Variants in TEAD1 observed in about 807,000 individuals in gnomAD.
TEAD1 encodes the protein TEA domain transcription factor 1.
A neutral mutation model predicts 54.9 loss-of-function variants in TEAD1; 9 were observed. The ratio of observed to expected loss-of-function variants is 0.16; its 90% CI spans 0.10 to 0.29. The LOEUF is 0.29. Ranked by LOEUF, TEAD1 falls within the 10% of genes least tolerant of loss-of-function variation. The pLI is 1.00. For missense variants in TEAD1, 387 were observed against 535.9 expected, an observed-to-expected ratio of 0.72 and a Z score of 2.74; for synonymous variants, 200 against 187.8, an observed-to-expected ratio of 1.07 and a Z score of -0.53.
chr11:12,883,993 CA>C (rs11316523), intron 9 of TEAD1, among the ~76,000 whole-genome samples: 51,630 of 127,972 alleles, frequency 0.4, 10,175 homozygotes, highest in East Asian at 0.89. Flanking sequence ...GACTCCGTCT[CA>C]AAAAAAAAAA....
chr11:12,865,652 T>C (rs1355901231), intron 5 of TEAD1: 1 of 152,198 alleles, frequency 6.6e-6, no homozygotes, highest in Admixed American at 6.5e-5. Flanking sequence ...TCTCAAAATA[T>C]ATTTTATAGG....
At chr11:12,831,844 T>C (rs1340270422) in intron 3 of TEAD1, among the ~76,000 whole-genome samples, 1 of 152,050 alleles carries the variant, frequency 6.6e-6, no homozygotes, top group Non-Finnish European at 1.5e-5. Flanking sequence ...CAATAATACA[T>C]TTACTTATTT....
chr11:12,783,757 A>G (rs1019424737), intron 3 of TEAD1, among the ~76,000 whole-genome samples: 1 of 152,186 alleles, frequency 6.6e-6, no homozygotes, highest in Non-Finnish European at 1.5e-5. Context: ...GAGATGTGAA[A>G]ATACAGTGTT....
intron 3 of TEAD1, among the ~76,000 whole-genome samples, chr11:12,841,811 A>T (rs1947046933): frequency 6.6e-6 from 1 of 152,172 alleles, no homozygotes; most frequent in South Asian, 2.1e-4. Context: ...CCTTTGGGGA[A>T]ACTGAGGCTC....
intron 3 of TEAD1, among the ~76,000 whole-genome samples, chr11:12,781,122 G>A (rs1196730042): frequency 6.6e-6 from 1 of 152,224 alleles, no homozygotes; most frequent in Non-Finnish European, 1.5e-5. Context: ...TTCAACAAAT[G>A]ATGCTGAGAC....
chr11:12,860,449 G>A (rs1366247912), intron 3 of TEAD1, among the ~76,000 whole-genome samples: 1 of 152,184 alleles, frequency 6.6e-6, no homozygotes. Context: ...ACTGGCAGGT[G>A]GTGGACAGAG....
chr11:12,934,120 A>G (rs1949057617), intron 12 of TEAD1, among the ~76,000 whole-genome samples: 1 of 152,248 alleles, frequency 6.6e-6, no homozygotes, highest in Non-Finnish European at 1.5e-5. Flanking sequence ...CACACTAGCA[A>G]AGACTTGGAA....
chr11:12,759,894 A>G (rs1945067397), intron 2 of TEAD1, among the ~76,000 whole-genome samples: 1 of 152,162 alleles, frequency 6.6e-6, no homozygotes, highest in Admixed American at 6.5e-5. Context: ...AACAAAGAAG[A>G]CTTTTCTATT....
At chr11:12,915,984 G>C (rs1948705187) in intron 10 of TEAD1, among the ~76,000 whole-genome samples, 1 of 152,208 alleles carries the variant, frequency 6.6e-6, no homozygotes, top group East Asian at 1.9e-4. Context: ...ATTTGGGAAA[G>C]AATTTGGAAA....
intron 2 of TEAD1, among the ~76,000 whole-genome samples, chr11:12,682,265 A>G (rs896512331): frequency 6.6e-6 from 1 of 152,232 alleles, no homozygotes; most frequent in Non-Finnish European, 1.5e-5. Flanking sequence ...GGTTTTAAAG[A>G]TAAGCCTGCA....
At chr11:12,870,532 A>G (rs970833914) in intron 5 of TEAD1, among the ~76,000 whole-genome samples, 1 of 151,916 alleles carries the variant, frequency 6.6e-6, no homozygotes, top group Non-Finnish European at 1.5e-5. Context: ...TTAAATTTAT[A>G]CATTCAGAGT....
intron 3 of TEAD1, among the ~76,000 whole-genome samples, chr11:12,844,513 C>T (rs1308109034): frequency 6.6e-6 from 1 of 152,110 alleles, no homozygotes; most frequent in Non-Finnish European, 1.5e-5. Flanking sequence ...CCACCACCAG[C>T]ATCAAATCAT....
intron 3 of TEAD1, among the ~76,000 whole-genome samples, chr11:12,849,817 A>G (rs1336611101): frequency 6.6e-6 from 1 of 152,184 alleles, no homozygotes; most frequent in African/African-American, 2.4e-5. Context: ...CTATTTATTC[A>G]GTGGAGAATC....
chr11:12,721,614 A>G (rs948394811), intron 2 of TEAD1, among the ~76,000 whole-genome samples: 3 of 152,238 alleles, frequency 2.0e-5, no homozygotes, highest in Admixed American at 6.5e-5. Flanking sequence ...ACAGTTCTAA[A>G]TACACATTAT....
intron 3 of TEAD1, among the ~76,000 whole-genome samples, chr11:12,775,654 C>A (rs1209129850): frequency 1.3e-5 from 2 of 150,654 alleles, no homozygotes; most frequent in Non-Finnish European, 2.9e-5. Context: ...CTTGATAAAT[C>A]TAAATATAGA....
chr11:12,839,181 C>A (rs1363392509), intron 3 of TEAD1, among the ~76,000 whole-genome samples: 1 of 151,846 alleles, frequency 6.6e-6, no homozygotes, highest in Non-Finnish European at 1.5e-5. Flanking sequence ...GAGGCAGAGG[C>A]CAGTGGATCA....
chr11:12,854,665 C>T lies in TEAD1; in HGVS notation c.203-7585C>T, dbSNP rs754496767. 4.6e-5 allele frequency among the ~76,000 whole-genome samples: 7 copies of T among 151,984 alleles called. No homozygotes were observed. The South Asian group carries it at 1.0e-3, about 23-fold the overall frequency. Reference sequence around the variant, plus strand: ...GGAGTACAGTGGTGTGATCTTGGCTCACTGCATGCTTGAACTCCTGGGTTC... The same window carrying T: ...GGAGTACAGTGGTGTGATCTTGGCTTACTGCATGCTTGAACTCCTGGGTTC... On this transcript the variant is annotated intron_variant, in intron 3 of 12. Transcript: ENST00000527636.
chr11:12,853,106 C>A (rs1194208912), intron 3 of TEAD1, among the ~76,000 whole-genome samples: 1 of 152,172 alleles, frequency 6.6e-6, no homozygotes, highest in Non-Finnish European at 1.5e-5. Context: ...CACTCCATGT[C>A]TAGCACATGT....
At chr11:12,770,032 A>G (rs1396255783) in intron 3 of TEAD1, among the ~76,000 whole-genome samples, 1 of 152,252 alleles carries the variant, frequency 6.6e-6, no homozygotes, top group Non-Finnish European at 1.5e-5. Flanking sequence ...AGATTGAGAA[A>G]GAAGAAGCCC....
Sources: gnomAD v4.1 joint callset for allele counts (sites outside exome capture counted in the v4.1 genomes callset) on GRCh38, gnomAD v4.1.1 for gene constraint, MANE v1.5 for transcripts, NCBI Gene and HGNC (gene_info 2026-07-23, HGNC 2026-07-21) for gene names.